RBFOX1: variants seen among roughly 807,000 people sequenced by gnomAD.
The protein encoded by RBFOX1 is RNA binding protein fox-1 homolog 1.
In RBFOX1, 8 loss-of-function variants were observed where a neutral mutation model predicts 57.7. The observed-to-expected ratio is 0.14, with a 90% confidence interval of 0.08 to 0.25. The LOEUF (loss-of-function observed/expected upper bound fraction) is 0.25, where lower values mean the gene tolerates loss of function less well. RBFOX1 is among the 10% of genes least tolerant of loss of function. The pLI, the probability that RBFOX1 is intolerant of heterozygous loss-of-function variation, is 1.00. For missense variants in RBFOX1, 611 were observed against 548.5 expected (o/e 1.11, Z -1.14); for synonymous variants, 326 against 222.4 (o/e 1.47, Z -4.15).
At chr16:6,583,989 G>A (rs552006761) in intron 2 of RBFOX1, among the ~76,000 whole-genome samples, 40 of 139,452 alleles carry the variant, frequency 2.9e-4, no homozygotes, top group Middle Eastern at 3.8e-3. Flanking sequence ...CAATAACAAC[G>A]ACAACAACAT....
chr16:6,940,823 C>T (rs936466580), intron 3 of RBFOX1, among the ~76,000 whole-genome samples: 2 of 124,764 alleles, frequency 1.6e-5, no homozygotes, highest in Non-Finnish European at 3.3e-5. Flanking sequence ...GCTGGGAGTA[C>T]AGGCGCCTGC....
At chr16:7,494,654 G>C (rs56988609) in intron 4 of RBFOX1, among the ~76,000 whole-genome samples, 15,533 of 152,010 alleles carry the variant, frequency 0.1, 818 homozygotes, top group East Asian at 0.16. Flanking sequence ...ACAGAGAGGA[G>C]CCAACACTCA....
chr16:5,588,474 T>G (rs1424571285), intron 2 of RBFOX1, among the ~76,000 whole-genome samples: 2 of 152,172 alleles, frequency 1.3e-5, no homozygotes, highest in Non-Finnish European at 2.9e-5. Context: ...AATGCGCAAT[T>G]AAGTAGCATT....
At chr16:6,036,070 C>T (rs1277115273) in intron 1 of RBFOX1, among the ~76,000 whole-genome samples, 1 of 152,188 alleles carries the variant, frequency 6.6e-6, no homozygotes, top group Non-Finnish European at 1.5e-5. Context: ...CACCAAAAAT[C>T]AGTCCCCTCC....
chr16:7,110,385 T>C (rs1180036071), intron 4 of RBFOX1, among the ~76,000 whole-genome samples: 6 of 129,368 alleles, frequency 4.6e-5, no homozygotes, highest in Non-Finnish European at 8.6e-5. Context: ...GTTCCCACTT[T>C]ACAGTTGACT....
intron 2 of RBFOX1, among the ~76,000 whole-genome samples, chr16:6,376,349 C>G (rs1039462870): frequency 3.3e-5 from 5 of 152,230 alleles, no homozygotes; most frequent in African/African-American, 1.2e-4. Context: ...GTATCACAAA[C>G]TAGGTGGCTT....
At position 6,939,401 on chromosome 16, in the gene RBFOX1, G is replaced by GTA. The variant is rs1018008769; in HGVS notation, c.-15-112644_-15-112643dup. On this transcript the variant is annotated intron_variant, in intron 3 of 15. Coordinates refer to ENST00000550418, the MANE Select transcript of RBFOX1 (RefSeq NM_018723.4). ...TATGTGTATGTGTGTGTGTGTGTGTGTATATATATATATGTAGCTATATAT... is the reference window on the plus strand; with the variant it reads ...TATGTGTATGTGTGTGTGTGTGTGTGTATATATATATATATGTAGCTATATAT... Among the ~76,000 whole-genome samples, 1,004 of 150,632 alleles carry GTA rather than the reference G, an allele frequency of 6.7e-3. 15 individuals carry two copies. The highest frequency in any genetic ancestry group is 0.021 in the African/African-American group (874 of 41,202).
At chr16:7,157,975 T>A (rs970088746) in intron 4 of RBFOX1, among the ~76,000 whole-genome samples, 1 of 152,198 alleles carries the variant, frequency 6.6e-6, no homozygotes, top group Non-Finnish European at 1.5e-5. Flanking sequence ...ATTTGTAGAT[T>A]GACAAAAAGC....
intron 6 of RBFOX1, among the ~76,000 whole-genome samples, chr16:7,583,148 C>G (rs78580985): frequency 1.5e-5 from 2 of 132,394 alleles, no homozygotes; most frequent in African/African-American, 5.5e-5. Flanking sequence ...TCTAGCTCAT[C>G]TTTTTTTTTT....
chr16:5,491,512 A>C (rs2042827272), intron 2 of RBFOX1, among the ~76,000 whole-genome samples: 3 of 152,244 alleles, frequency 2.0e-5, no homozygotes, highest in Admixed American at 2.0e-4. Context: ...ATGTCCATCA[A>C]CAGGAGAATG....
chr16:6,070,688 A>T (rs1283794935), intron 1 of RBFOX1, among the ~76,000 whole-genome samples: 1 of 152,028 alleles, frequency 6.6e-6, no homozygotes, highest in Non-Finnish European at 1.5e-5. Context: ...TCCTGGAAAC[A>T]TTTGCTCATA....
chr16:7,396,298 A>C (rs1288888725), intron 4 of RBFOX1, among the ~76,000 whole-genome samples: 1 of 152,100 alleles, frequency 6.6e-6, no homozygotes, highest in Admixed American at 6.5e-5. Context: ...GACACTCACA[A>C]ACTGTGGCCC....
In RBFOX1 at chr16:5,345,629, G is replaced by A. The variant is rs371604814; in HGVS notation, c.219+105524G>A. 7.2e-5 allele frequency among the ~76,000 whole-genome samples: 11 copies of A among 152,314 alleles called. No individual in the cohort carries two copies. The East Asian group carries it at 1.2e-3, about 16-fold the overall frequency. On this transcript the variant is annotated intron_variant, in intron 1 of 2. Coordinates refer to the RBFOX1 transcript ENST00000585867. Reference sequence around the variant, plus strand: ...TTAATTATTGAGTCTGCATTTGGCCGTGCTCGTTGGGCTTCTTAAACACCC... The same window carrying A: ...TTAATTATTGAGTCTGCATTTGGCCATGCTCGTTGGGCTTCTTAAACACCC...
chr16:5,988,585 C>T (rs2060327395), intron 4 of RBFOX1, among the ~76,000 whole-genome samples: 1 of 152,110 alleles, frequency 6.6e-6, no homozygotes, highest in African/African-American at 2.4e-5. Flanking sequence ...GCGGCATGAG[C>T]CTCCACTGGG....
intron 10 of RBFOX1, among the ~76,000 whole-genome samples, chr16:7,629,219 G>C (rs1419007744): frequency 6.6e-6 from 1 of 152,104 alleles, no homozygotes. Flanking sequence ...AGAGTGAGAT[G>C]GGTTAGAAAG....
chr16:6,941,607 C>T (rs1433148625), intron 3 of RBFOX1, among the ~76,000 whole-genome samples: 4 of 151,542 alleles, frequency 2.6e-5, no homozygotes, highest in African/African-American at 9.7e-5. Context: ...TAAATTATGC[C>T]CCTCCTCTGC....
chr16:6,296,102 A>T (rs2078068415), intron 1 of RBFOX1, among the ~76,000 whole-genome samples: 1 of 152,176 alleles, frequency 6.6e-6, no homozygotes, highest in Non-Finnish European at 1.5e-5. Flanking sequence ...TCTCACAGAC[A>T]TTTATCGAGC....
At chr16:7,076,465 A>G (rs1232191495) in intron 4 of RBFOX1, among the ~76,000 whole-genome samples, 1 of 152,172 alleles carries the variant, frequency 6.6e-6, no homozygotes, top group Non-Finnish European at 1.5e-5. Context: ...AGGATATACC[A>G]GATTTCTTGG....
rs538719710 is a variant in RBFOX1, at chr16:5,455,707, C to T, written c.220-11509C>T. On this transcript the variant is annotated intron_variant, in intron 1 of 2. Coordinates refer to the RBFOX1 transcript ENST00000585867. The stretch of plus-strand genomic sequence containing the variant: ...GCAACATAGACAGGCAGCCCTTTAG[C>T]GGTCACTTTCATTCTCTTTGCCCAT... Among the ~76,000 whole-genome samples the T allele has an allele frequency of 2.6e-5, 4 of 152,278 alleles. No individual in the cohort carries two copies. The South Asian group carries it at 6.2e-4, about 24-fold the overall frequency.
Sources: allele counts gnomAD v4.1 joint callset (sites outside exome capture counted in the v4.1 genomes callset), GRCh38; gene constraint gnomAD v4.1.1; transcripts MANE v1.5; gene names NCBI Gene and HGNC (gene_info 2026-07-23, HGNC 2026-07-21).